The following DNAH3 variants were observed in gnomAD, a reference collection of about 807,000 sequenced individuals.
The protein encoded by DNAH3 is dynein axonemal heavy chain 3, also known as axonemal beta dynein heavy chain 3.
Under a neutral mutation model 432.5 loss-of-function variants are expected in DNAH3, and 332 were observed. The observed-to-expected ratio is 0.77, with a 90% CI of 0.70 to 0.84. DNAH3 has a LOEUF of 0.84. DNAH3 is among the 40% of genes least tolerant of loss of function. The pLI, the probability that DNAH3 is intolerant of heterozygous loss-of-function variation, is 0.00. For missense variants in DNAH3, 4,861 were observed against 5,114.0 expected (o/e 0.95, Z 1.51); for synonymous variants, 1,956 against 1,900.2 (o/e 1.03, Z -0.76).
intron 58 of DNAH3, among the ~76,000 whole-genome samples, chr16:20,942,850 AAT>A (rs2083876427): frequency 1.3e-5 from 2 of 152,118 alleles, no homozygotes; most frequent in Non-Finnish European, 2.9e-5. Context: ...GACACAGAAA[AAT>A]CATGTTGAGT....
intron 49 of DNAH3, among the ~76,000 whole-genome samples, chr16:20,982,166 G>T (rs1343031332): frequency 1.3e-5 from 2 of 151,776 alleles, no homozygotes; most frequent in South Asian, 2.1e-4. Context: ...GGCAGATTAC[G>T]TGAGGTCAGG....
At chr16:21,117,208 G>C (rs139242016) in exon 12 of DNAH3, 130 of 1,597,818 alleles carry the variant, frequency 8.1e-5, no homozygotes, top group Non-Finnish European at 1.1e-4. Flanking sequence ...CTTACTTGCA[G>C]GGGCCAACTT....
At chr16:20,984,029 G>GGAAAA (rs771857325) in intron 48 of DNAH3, among the ~76,000 whole-genome samples, 8 of 112,140 alleles carry the variant, frequency 7.1e-5, no homozygotes, top group African/African-American at 2.8e-4. Flanking sequence ...CCTATATCCA[G>GGAAAA]AAAAAAAAAA....
At position 21,000,619 on chromosome 16, in the gene DNAH3, C is replaced by T; in HGVS notation, c.6127-101G>A. ...GTTTACATTCTAGCTCCATCCCTTA[C>T]TATCTTTATGACCTTAGGCGAGTCT... is the stretch of plus-strand genomic sequence containing the variant. On this transcript the variant is annotated intron_variant, in intron 42 of 61. Transcript: ENST00000261383. 1.1e-5 allele frequency: 12 copies of T among 1,082,454 alleles called. No homozygotes were observed. In the South Asian group the frequency reaches 2.0e-4, roughly 18 times the overall value. 67.1% of individuals were successfully genotyped at this position (1,082,454 alleles called of 1,614,324 possible). A position where few individuals can be genotyped will look rare whatever the true frequency, so the allele number is the denominator to read the frequency against.
intron 26 of DNAH3, 112 bp from the exon 27 acceptor site, chr16:21,058,308 C>T: frequency 1.6e-6 from 1 of 607,446 alleles, no homozygotes. Context: ...AAATCTTCCC[C>T]CATCCTCAGA....
chr16:20,964,908 A>G, exon 53 of DNAH3: 1 of 1,614,166 alleles, frequency 6.2e-7, no homozygotes, highest in Non-Finnish European at 8.5e-7. Context: ...TCAGATTAGT[A>G]TAGCGGATCC....
intron 40 of DNAH3, among the ~76,000 whole-genome samples, chr16:21,020,605 G>T (rs907735483): frequency 3.4e-5 from 5 of 148,694 alleles, no homozygotes; most frequent in Admixed American, 2.0e-4. Flanking sequence ...GTTTTACTGT[G>T]TTGTTGGCCA....
intron 5 of DNAH3, 22 bp from the exon 7 acceptor site, chr16:21,136,535 C>T (rs200520775): frequency 3.0e-5 from 48 of 1,611,286 alleles, no homozygotes; most frequent in South Asian, 1.8e-4. Context: ...AAACCACCAG[C>T]GAGAAAATGG....
At chr16:20,963,991 G>T in exon 53 of DNAH3, 1 of 1,614,186 alleles carries the variant, frequency 6.2e-7, no homozygotes, top group Non-Finnish European at 8.5e-7. Context: ...AGAATGCACA[G>T]CCACTGGCTT....
chr16:21,075,416 C>G, intron 21 of DNAH3, 31 bp downstream of exon 21: 1 of 1,486,676 alleles, frequency 6.7e-7, no homozygotes, highest in South Asian at 1.1e-5. Flanking sequence ...GGGCTGCTTT[C>G]AAAAGGGGCT....
exon 58 of DNAH3, chr16:20,944,583 G>A (rs775199746): frequency 1.3e-5 from 21 of 1,614,020 alleles, no homozygotes; most frequent in Admixed American, 3.3e-5. Flanking sequence ...GGTTGTCTTT[G>A]GTGATGTCTG....
intron 44 of DNAH3, among the ~76,000 whole-genome samples, chr16:20,989,605 C>CA (rs2086434957): frequency 6.6e-6 from 1 of 152,264 alleles, no homozygotes; most frequent in South Asian, 2.1e-4. Context: ...ACCGGGGCTG[C>CA]AGGTGGAGCT....
At chr16:21,117,390 G>C (rs1796795564) in intron 11 of DNAH3, 51 bp from the exon 12 acceptor site, 2 of 1,035,184 alleles carry the variant, frequency 1.9e-6, no homozygotes, top group East Asian at 2.5e-5. Flanking sequence ...GAAGGGAGAT[G>C]GTACCCAAAT....
chr16:21,116,864 G>A (rs540647207), intron 12 of DNAH3, among the ~76,000 whole-genome samples: 7 of 152,284 alleles, frequency 4.6e-5, no homozygotes, highest in Admixed American at 2.6e-4. Flanking sequence ...AGAAACTGCA[G>A]GATAATATAT....
chr16:21,045,779 T>G (rs1380707303), intron 31 of DNAH3, among the ~76,000 whole-genome samples: 1 of 151,400 alleles, frequency 6.6e-6, no homozygotes, highest in Non-Finnish European at 1.5e-5. Flanking sequence ...GGTGTCAATT[T>G]TGGATCTTTC....
chr16:21,004,525 G>A (rs1461219961), intron 41 of DNAH3, among the ~76,000 whole-genome samples: 1 of 151,854 alleles, frequency 6.6e-6, no homozygotes, highest in Non-Finnish European at 1.5e-5. Flanking sequence ...TCGCCACCAC[G>A]CCCTGCTAAT....
intron 31 of DNAH3, among the ~76,000 whole-genome samples, chr16:21,047,260 C>T (rs2152739838): frequency 1.4e-5 from 2 of 147,728 alleles, no homozygotes; most frequent in East Asian, 4.0e-4. Flanking sequence ...GGATAATATC[C>T]TGCAGAGTGT....
chr16:21,090,425 C>G (rs1389863690), intron 18 of DNAH3, among the ~76,000 whole-genome samples: 3 of 149,882 alleles, frequency 2.0e-5, no homozygotes, highest in Admixed American at 6.7e-5. Flanking sequence ...CTAAAATTCT[C>G]AACAAAATAT....
intron 41 of DNAH3, among the ~76,000 whole-genome samples, chr16:21,005,542 C>A (rs753661999): frequency 3.3e-5 from 5 of 152,046 alleles, no homozygotes; most frequent in African/African-American, 1.2e-4. Context: ...CCGCACCCAG[C>A]AAATAATTTT....
Sources: gnomAD v4.1 joint callset for allele counts (sites outside exome capture counted in the v4.1 genomes callset) on GRCh38, gnomAD v4.1.1 for gene constraint, MANE v1.5 for transcripts, NCBI Gene and HGNC (gene_info 2026-07-23, HGNC 2026-07-21) for gene names.